TASOR2: variants seen among roughly 807,000 people sequenced by gnomAD.
The protein encoded by TASOR2 is transcription activation suppressor family member 2.
A neutral mutation model predicts 199.5 loss-of-function variants in TASOR2; 84 were observed. The ratio of observed to expected loss-of-function variants is 0.42; its 90% confidence interval spans 0.35 to 0.50. The LOEUF is 0.50. TASOR2 is among the 20% of genes least tolerant of loss of function. The probability of loss-of-function intolerance (pLI) is 0.02; values close to 1 mark genes in which losing one functional copy is unlikely to be tolerated. For missense variants in TASOR2, 2,796 were observed against 2,835.9 expected (o/e 0.99, Z 0.32); for synonymous variants, 1,103 against 1,046.6 (o/e 1.05, Z -1.04).
rs1271780194 is a variant in TASOR2 at position 5,737,038 on chromosome 10, C to T, written c.1447+1492C>T. 3.9e-5 allele frequency among the ~76,000 whole-genome samples: 6 copies of T among 152,188 alleles called. No homozygotes were observed. Among genetic ancestry groups the T allele is most frequent in the South Asian group, 2.1e-4 (1 of 4,830 alleles). ...GCAGTAGCACGATCTCGGCTCACTGCAACCTCTGCCTCCCAGGTTCAAGCA... is the reference window on the plus strand; with the variant it reads ...GCAGTAGCACGATCTCGGCTCACTGTAACCTCTGCCTCCCAGGTTCAAGCA... On this transcript the variant is annotated intron_variant, in intron 12 of 20. Coordinates refer to ENST00000328090, the Ensembl canonical transcript of TASOR2. The surrounding 1 kb of genome is among the most constrained non-coding windows in gnomAD (Gnocchi z 4.9).
exon 21 of TASOR2, chr10:5,763,103 G>A (rs1312698028): frequency 2.1e-6 from 3 of 1,444,888 alleles, no homozygotes; most frequent in Non-Finnish European, 2.9e-6. Context: ...GAAAACTTGT[G>A]AACATGTGAA....
rs2131518507 is a variant in TASOR2, at chr10:5,701,054, T to C, written c.-287-11769T>C. 6.6e-6 allele frequency among the ~76,000 whole-genome samples: 1 copy of C among 152,282 alleles called. No individual in the cohort carries two copies. Among genetic ancestry groups the C allele is most frequent in the South Asian group, 2.1e-4 (1 of 4,826 alleles). ...TTTGAGGCCTTAAACAAAAAAAGTT[T>C]GGCCAGACTAGTATCCTGGAGTGTT... On this transcript the variant is annotated intron_variant, in intron 1 of 20. Transcript: ENST00000328090. The surrounding 1 kb of genome is among the most constrained non-coding windows in gnomAD (Gnocchi z 4.9).
At chr10:5,717,599 T>G (rs987301782) in intron 2 of TASOR2, 60 bp from the exon 4 acceptor site, 4 of 671,812 alleles carry the variant, frequency 6.0e-6, no homozygotes, top group South Asian at 7.7e-5. Flanking sequence ...TCTTCTTGCT[T>G]CTACTTTCTC....
chr10:5,736,453 C>T (rs1201032007), intron 12 of TASOR2, among the ~76,000 whole-genome samples: 7 of 151,568 alleles, frequency 4.6e-5, no homozygotes, highest in African/African-American at 1.7e-4. Flanking sequence ...GGGGTTTCAC[C>T]ATGTTGCCTA....
chr10:5,708,652 C>A (rs1229536784), intron 1 of TASOR2, among the ~76,000 whole-genome samples: 1 of 115,856 alleles, frequency 8.6e-6, no homozygotes, highest in Non-Finnish European at 1.7e-5. Context: ...TCCTTCCTTC[C>A]TTCCTTTCCT....
At chr10:5,693,286 A>G (rs1321417108) in intron 1 of TASOR2, among the ~76,000 whole-genome samples, 1 of 152,210 alleles carries the variant, frequency 6.6e-6, no homozygotes, top group Non-Finnish European at 1.5e-5. Context: ...TAAACCTACA[A>G]TAGCTAAGGT....
chr10:5,734,030 C>CT (rs1481257092), intron 11 of TASOR2, among the ~76,000 whole-genome samples: 1 of 152,202 alleles, frequency 6.6e-6, no homozygotes, highest in Non-Finnish European at 1.5e-5. Context: ...CTACATTTCA[C>CT]TAACACTGAT....
intron 1 of TASOR2, among the ~76,000 whole-genome samples, chr10:5,707,913 C>CT (rs1831329043): frequency 2.0e-5 from 3 of 152,118 alleles, no homozygotes; most frequent in Non-Finnish European, 4.4e-5. Flanking sequence ...GTGGTAGCAC[C>CT]TAGTGAGTTC....
rs575826437 is a variant in TASOR2 at position 5,715,872 on chromosome 10, A to G, written c.-191-1787A>G. Among the ~76,000 whole-genome samples the G allele has an allele frequency of 3.9e-5, 6 of 152,152 alleles. No homozygotes were observed. In the East Asian group the frequency reaches 1.2e-3, roughly 29 times the overall value. On this transcript the variant is annotated intron_variant, in intron 2 of 20. Transcript: ENST00000328090. Reference sequence around the variant, plus strand: ...TGGCCAGGATGGTCTCGATCTCCTGACCTCATGGTCAGCCCTCCTTGGCCT... The same window carrying G: ...TGGCCAGGATGGTCTCGATCTCCTGGCCTCATGGTCAGCCCTCCTTGGCCT...
At chr10:5,758,710 A>AGG (rs1342196374) in intron 17 of TASOR2, among the ~76,000 whole-genome samples, 177 bp from the exon 19 acceptor site, 1 of 152,304 alleles carries the variant, frequency 6.6e-6, no homozygotes, top group African/African-American at 2.4e-5. Context: ...GACCAGGCTG[A>AGG]GGGGCTTGTG....
Position 5,761,476 on chromosome 10 carries a change from T to C in TASOR2, c.7174+5T>C, listed in dbSNP as rs1303303666. The C allele has an allele frequency of 6.2e-7, 1 of 1,609,024 alleles. No individual in the cohort carries two copies. The highest frequency in any genetic ancestry group is 1.7e-5 in the Admixed American group (1 of 59,980). On this transcript the variant is annotated splice_donor_5th_base_variant and intron_variant, in intron 19 of 20. Coordinates refer to ENST00000328090, the Ensembl canonical transcript of TASOR2. ...GGTTTGCTGTCCTCCTAACAGGTAA[T>C]TCACAGGCGCATTTTACTCAGTTAA...
chr10:5,738,038 A>G lies in TASOR2; in HGVS notation c.1448-1580A>G, dbSNP rs558145129. On this transcript the variant is annotated intron_variant, in intron 12 of 20. Transcript: ENST00000328090. This position sits in a 1 kb window ranked among gnomAD's most constrained non-coding sequence, Gnocchi z 4.7. ...TTTACTTCTTATACTTAAAATATCA[A>G]CGTTTAAGAAGGCAGATGAAACATA... 5.3e-5 allele frequency among the ~76,000 whole-genome samples: 8 copies of G among 152,242 alleles called. No homozygotes were observed. Among genetic ancestry groups the G allele is most frequent in the Middle Eastern group, 3.2e-3 (1 of 316 alleles).
exon 21 of TASOR2, chr10:5,763,045 CTG>C: frequency 4.3e-6 from 7 of 1,611,838 alleles, no homozygotes; most frequent in Non-Finnish European, 5.9e-6. Context: ...CAACTACAGC[CTG>C]CCTGGATATG....
chr10:5,730,231 T>C lies in TASOR2; in HGVS notation c.488-256T>C, dbSNP rs1183059134. Among the ~76,000 whole-genome samples, 1 of 152,224 alleles carries C rather than the reference T, an allele frequency of 6.6e-6. No individual in the cohort carries two copies. The highest frequency in any genetic ancestry group is 2.4e-5 in the African/African-American group (1 of 41,466). ...AGCTGGAGGCAGGGTTTAGTTTACT[T>C]GTTCTAACCTAGTGATTGCATGTCA... On this transcript the variant is annotated intron_variant, in intron 10 of 20. Coordinates refer to ENST00000328090, the Ensembl canonical transcript of TASOR2. This position sits in a 1 kb window ranked among gnomAD's most constrained non-coding sequence, Gnocchi z 4.1.
chr10:5,703,327 G>C (rs1360072987), intron 1 of TASOR2, among the ~76,000 whole-genome samples: 1 of 151,940 alleles, frequency 6.6e-6, no homozygotes, highest in Non-Finnish European at 1.5e-5. Flanking sequence ...TTAGTCACAA[G>C]TGGCTGTTGA....
intron 1 of TASOR2, among the ~76,000 whole-genome samples, chr10:5,705,066 A>G (rs1838401289): frequency 1.3e-5 from 2 of 152,192 alleles, no homozygotes; most frequent in Admixed American, 6.5e-5. Context: ...ATTTTGGTAA[A>G]TGTATATACC....
chr10:5,746,365 G>C, exon 15 of TASOR2: 1 of 1,614,118 alleles, frequency 6.2e-7, no homozygotes, highest in East Asian at 2.2e-5. Flanking sequence ...CAGGACTTAC[G>C]ATGGGCCTGG....
At chr10:5,757,422 C>T in intron 16 of TASOR2, 98 bp from the exon 18 acceptor site, 2 of 1,207,544 alleles carry the variant, frequency 1.7e-6, no homozygotes, top group East Asian at 2.5e-5. Flanking sequence ...TTCAGTTGTT[C>T]CTGAACCTTG....
At chr10:5,729,829 TC>T (rs1019425517) in intron 10 of TASOR2, among the ~76,000 whole-genome samples, 1 of 152,124 alleles carries the variant, frequency 6.6e-6, no homozygotes, top group Non-Finnish European at 1.5e-5. Context: ...TCTTTTTTTT[TC>T]CCTTTTACTG....
Sources: allele counts gnomAD v4.1 joint callset (sites outside exome capture counted in the v4.1 genomes callset), GRCh38; gene constraint gnomAD v4.1.1; non-coding constraint Gnocchi (gnomAD v3.1); transcripts MANE v1.5; gene names NCBI Gene and HGNC (gene_info 2026-07-23, HGNC 2026-07-21).